Variants in PSME3IP1 observed in about 807,000 individuals in gnomAD.
PSME3IP1 encodes the protein PSME3-interacting protein.
Under a neutral mutation model 34.1 loss-of-function variants are expected in PSME3IP1, and 13 were observed. The observed-to-expected ratio is 0.38, with a 90% CI of 0.25 to 0.61. The LOEUF (loss-of-function observed/expected upper bound fraction) is 0.61. Among genes scored for constraint, PSME3IP1 ranks in the 20% least tolerant of loss-of-function variants. PSME3IP1 has a pLI of 0.60. For missense variants in PSME3IP1, 237 were observed against 301.4 expected (o/e 0.79, Z 1.58); for synonymous variants, 93 against 114.3 (o/e 0.81, Z 1.19).
chr16:57,164,779 C>T (rs1238847324), intron 5 of PSME3IP1, among the ~76,000 whole-genome samples: 4 of 152,106 alleles, frequency 2.6e-5, no homozygotes, highest in Non-Finnish European at 4.4e-5. Context: ...CGCCTGTAAT[C>T]CCAGCACGTT....
chr16:57,173,379 C>T (rs1287559503), intron 2 of PSME3IP1, among the ~76,000 whole-genome samples: 1 of 152,144 alleles, frequency 6.6e-6, no homozygotes, highest in Non-Finnish European at 1.5e-5. Context: ...CCTGTAATCC[C>T]AGCACTTTGG....
At chr16:57,185,384 C>G (rs2074081407) in intron 1 of PSME3IP1, among the ~76,000 whole-genome samples, 1 of 152,252 alleles carries the variant, frequency 6.6e-6, no homozygotes, top group African/African-American at 2.4e-5. Flanking sequence ...GGCACAGCAA[C>G]TGGTACATGG....
intron 4 of PSME3IP1, among the ~76,000 whole-genome samples, chr16:57,170,154 C>T (rs182963240): frequency 5.3e-5 from 8 of 150,234 alleles, no homozygotes; most frequent in Admixed American, 2.0e-4. Flanking sequence ...GTGACCTTGG[C>T]GCACTGCAAT....
chr16:57,167,034 A>G (rs2071961490), intron 5 of PSME3IP1, 59 bp downstream of exon 5: 24 of 1,595,832 alleles, frequency 1.5e-5, no homozygotes, highest in Non-Finnish European at 2.0e-5. Flanking sequence ...TTCCATTACA[A>G]GTGGTGTTTC....
intron 3 of PSME3IP1, among the ~76,000 whole-genome samples, 198 bp downstream of exon 3, chr16:57,172,578 T>C (rs141568907): frequency 1.4e-3 from 220 of 151,880 alleles, no homozygotes; most frequent in African/African-American, 5.0e-3. Flanking sequence ...AGAATTAAAA[T>C]GGGTGTTTTG....
rs1350353144 is a variant in PSME3IP1 at position 57,172,240 on chromosome 16, A to G, written c.348+11T>C. 6.2e-7 allele frequency: 1 copy of G among 1,612,072 alleles called. No homozygotes were observed. Among genetic ancestry groups the G allele is most frequent in the Non-Finnish European group, 8.5e-7 (1 of 1,179,820 alleles). On this transcript the variant is annotated intron_variant, in intron 4 of 6. Transcript: ENST00000309137. ...ACACCTTACAGGTTTTCCTCCAAGT[A>G]CAAAGGATATTCTGTATTCCTTCAG...
intron 1 of PSME3IP1, among the ~76,000 whole-genome samples, chr16:57,178,154 T>C (rs1188673783): frequency 6.6e-6 from 1 of 152,256 alleles, no homozygotes; most frequent in African/African-American, 2.4e-5. Context: ...TGCATCTTTT[T>C]TCAAATTAGC....
chr16:57,169,700 T>G (rs527395466), intron 4 of PSME3IP1, among the ~76,000 whole-genome samples: 1 of 152,168 alleles, frequency 6.6e-6, no homozygotes, highest in East Asian at 1.9e-4. Flanking sequence ...AGATGCTACT[T>G]TGGGGGACAC....
At chr16:57,175,778 A>G (rs2073115787) in intron 1 of PSME3IP1, 1 of 152,204 alleles carries the variant, frequency 6.6e-6, no homozygotes, top group Admixed American at 6.5e-5. Flanking sequence ...TTGAAAACAA[A>G]GACATGTCGA....
Position 57,186,024 on chromosome 16 carries a change from T to C in PSME3IP1, c.-219A>G, listed in dbSNP as rs1429454531. 1.4e-5 allele frequency: 14 copies of C among 984,972 alleles called. No individual in the cohort carries two copies. Among genetic ancestry groups the C allele is most frequent in the South Asian group, 4.7e-5 (1 of 21,284 alleles). 61.0% of individuals were successfully genotyped at this position (984,972 alleles called of 1,614,324 possible). A position where few individuals can be genotyped will look rare whatever the true frequency, so the allele number is the denominator to read the frequency against. On this transcript the variant is annotated 5_prime_UTR_variant, in exon 1 of 7. Transcript: ENST00000309137. ...CTTTTGACCCTTCAGGGCTTCCTGT[T>C]CCTCACCGCCACAATAGAGTCCCGC...
In PSME3IP1 at chr16:57,154,564, G is replaced by C; in HGVS notation, c.548-57C>G. 3 of 1,431,816 alleles carry C rather than the reference G, an allele frequency of 2.1e-6. No individual in the cohort carries two copies. Among genetic ancestry groups the C allele is most frequent in the Non-Finnish European group, 2.8e-6 (3 of 1,057,310 alleles). 88.7% of individuals were successfully genotyped at this position (1,431,816 alleles called of 1,614,324 possible). On this transcript the variant is annotated intron_variant, in intron 6 of 6. Transcript: ENST00000309137. This position sits in a 1 kb window ranked among gnomAD's most constrained non-coding sequence, Gnocchi z 4.0. ...TCACCCTTTTCCAAAGTTGGGGACT[G>C]ACTTACCATGTGCCAGGCACTGTAC...
upstream of PSME3IP1, chr16:57,186,082 G>C (rs536879992): frequency 1.0e-6 from 1 of 985,498 alleles, no homozygotes; most frequent in South Asian, 4.7e-5. Flanking sequence ...AATCCGCGGA[G>C]CTCTTCCTCC....
Position 57,173,779 on chromosome 16 carries a change from T to A in PSME3IP1, c.76A>T (p.Lys26Ter). The change falls in exon 2 of 7, where the codon AAA (lysine) becomes TAA (stop). Residue 26 changes from lysine (K) to a stop codon, truncating the protein, a stop_gained. Transcript: ENST00000309137. LOFTEE classifies it high-confidence loss of function. ...TTCTCCCATTCTTCTTGCCTCCTTTTGCGCCGTTCATCTAGTTCTGCCTCA... is the reference window on the plus strand; with the variant it reads ...TTCTCCCATTCTTCTTGCCTCCTTTAGCGCCGTTCATCTAGTTCTGCCTCA... ...VSEAELDERR[K>*]RRQEEWEKVR... 6.2e-7 allele frequency: 1 copy of A among 1,614,178 alleles called. No individual in the cohort carries two copies. The highest frequency in any genetic ancestry group is 1.7e-5 in the Admixed American group (1 of 60,024).
In PSME3IP1 at chr16:57,160,153, G is replaced by C. The variant is rs569032500; in HGVS notation, c.547+3848C>G. On this transcript the variant is annotated intron_variant, in intron 6 of 6. Transcript: ENST00000309137. ...AAAATACAAAAAATTAGCCGGGCGC[G>C]GTGGCGGGCGCCTGTAGTCCCAGCT... Among the ~76,000 whole-genome samples, 316 of 152,146 alleles carry C rather than the reference G, an allele frequency of 2.1e-3. 2 individuals carry two copies. The highest frequency in any genetic ancestry group is 7.2e-3 in the African/African-American group (301 of 41,518).
chr16:57,164,602 T>C (rs1396616390), intron 5 of PSME3IP1, among the ~76,000 whole-genome samples: 1 of 152,164 alleles, frequency 6.6e-6, no homozygotes, highest in Non-Finnish European at 1.5e-5. Flanking sequence ...AAACAAATAC[T>C]GTATCAAAAA....
chr16:57,186,046 C>T, upstream of PSME3IP1: 1 of 985,476 alleles, frequency 1.0e-6, no homozygotes, highest in Non-Finnish European at 1.2e-6. Context: ...CAATAGAGTC[C>T]CGCCCCACTT....
In PSME3IP1 at chr16:57,185,858, C is replaced by G; in HGVS notation, c.-53G>C. On this transcript the variant is annotated 5_prime_UTR_variant, in exon 1 of 7. Transcript: ENST00000309137. ...GGGAGGCGAGACGACCTCACCTCGGCGGCGCCCACCCCAAACCGCCACCGC... is the reference window on the plus strand; with the variant it reads ...GGGAGGCGAGACGACCTCACCTCGGGGGCGCCCACCCCAAACCGCCACCGC... The G allele has an allele frequency of 1.0e-6, 1 of 984,402 alleles. No individual in the cohort carries two copies. The highest frequency in any genetic ancestry group is 1.2e-6 in the Non-Finnish European group (1 of 829,840). The allele number at this position is 984,402 out of a possible 1,614,324, so 61.0% of individuals were successfully genotyped here.
intron 1 of PSME3IP1, among the ~76,000 whole-genome samples, chr16:57,176,859 A>AT (rs1365127043): frequency 3.3e-5 from 5 of 151,774 alleles, no homozygotes; most frequent in African/African-American, 1.2e-4. Context: ...ATATATATAT[A>AT]ATTTTTTTTT....
chr16:57,165,648 A>G (rs74329284), intron 5 of PSME3IP1, among the ~76,000 whole-genome samples: 8,540 of 152,242 alleles, frequency 0.056, 303 homozygotes, highest in Middle Eastern at 0.12. Context: ...GAATTAGTGC[A>G]AGGCCTGCGA....
Sources: allele counts gnomAD v4.1 joint callset (sites outside exome capture counted in the v4.1 genomes callset), GRCh38; gene constraint gnomAD v4.1.1; non-coding constraint Gnocchi (gnomAD v3.1); transcripts MANE v1.5; gene names NCBI Gene and HGNC (gene_info 2026-07-23, HGNC 2026-07-21).